ARID2: variants seen among roughly 807,000 people sequenced by gnomAD.
The protein encoded by ARID2 is AT-rich interaction domain 2, also known as AT-rich interactive domain-containing protein 2.
ARID2 carries 32 observed loss-of-function variants against 184.6 expected under a neutral mutation model. That is an observed-to-expected ratio of 0.17 (90% CI 0.13 to 0.23). The LOEUF (loss-of-function observed/expected upper bound fraction) is 0.23. ARID2 is among the 10% of genes least tolerant of loss of function. The pLI is 1.00. For missense variants in ARID2, 1,696 were observed against 2,197.6 expected, an observed-to-expected ratio of 0.77 and a Z score of 4.56; for synonymous variants, 836 against 772.6, an observed-to-expected ratio of 1.08 and a Z score of -1.36.
intron 3 of ARID2, among the ~76,000 whole-genome samples, chr12:45,802,984 C>A (rs929488906): frequency 6.6e-6 from 1 of 151,628 alleles, no homozygotes; most frequent in African/African-American, 2.4e-5. Flanking sequence ...TTCCCGCTAT[C>A]CTCTCCCCTC....
At chr12:45,840,573 C>T (rs1224639945) in intron 11 of ARID2, 3 of 152,140 alleles carry the variant, frequency 2.0e-5, no homozygotes, top group South Asian at 2.1e-4. Flanking sequence ...TATCCTCCCT[C>T]GCTAGCCCCA....
rs145182085 is a variant in ARID2, at chr12:45,759,804, C to A, written c.284+28490C>A. 2.6e-5 allele frequency among the ~76,000 whole-genome samples: 4 copies of A among 152,272 alleles called. No individual in the cohort carries two copies. In the East Asian group the frequency reaches 7.7e-4, roughly 29 times the overall value. On this transcript the variant is annotated intron_variant, in intron 3 of 20. Transcript: ENST00000334344. ...CTCAATCTCCTGTGCTCAAGTGATT[C>A]TCCCATCTCAGCCTAGTAGCTGGGA... is the stretch of plus-strand genomic sequence containing the variant.
intron 11 of ARID2, among the ~76,000 whole-genome samples, chr12:45,844,800 A>G (rs1307542622): frequency 2.0e-5 from 3 of 152,216 alleles, no homozygotes; most frequent in Non-Finnish European, 4.4e-5. Context: ...ACAGCTAGCT[A>G]GTGAGTGATG....
intron 16 of ARID2, among the ~76,000 whole-genome samples, chr12:45,888,097 T>A (rs1484003635): frequency 6.6e-6 from 1 of 150,456 alleles, no homozygotes; most frequent in East Asian, 2.0e-4. Flanking sequence ...CAGGAGGCTG[T>A]AGCAGGAGAA....
rs1255469436 is a variant in ARID2 at position 45,904,398 on chromosome 12, G to A, written c.5364-536G>A. The A allele has an allele frequency of 4.2e-6, 3 of 711,668 alleles. No individual in the cohort carries two copies. In the African/African-American group the frequency reaches 5.3e-5, roughly 13 times the overall value. The allele number at this position is 711,668 out of a possible 1,614,324, so 44.1% of individuals were successfully genotyped here. The stretch of plus-strand genomic sequence containing the variant: ...CTGTGCAGCCTTCCATATTTAGAAA[G>A]GTACTATGGAGAGGCTGGGCGCGGT... On this transcript the variant is annotated intron_variant, in intron 20 of 20. Coordinates refer to ENST00000334344, the MANE Select transcript of ARID2 (RefSeq NM_152641.4).
chr12:45,902,983 A>C (rs1205448321), intron 20 of ARID2, among the ~76,000 whole-genome samples: 3 of 152,302 alleles, frequency 2.0e-5, no homozygotes, highest in Admixed American at 2.0e-4. Flanking sequence ...AACCACTCAT[A>C]TAACTATCTG....
rs2138133077 is a variant in ARID2 at position 45,837,719 on chromosome 12, C to A, written c.1330+12C>A. On this transcript the variant is annotated intron_variant, in intron 10 of 20. Coordinates refer to ENST00000334344, the MANE Select transcript of ARID2 (RefSeq NM_152641.4). ...AGAAAAGAGCATAGGTAAGACTGGACCAAAAAACACTTATTTTCTTTATTG... is the reference window on the plus strand; with the variant it reads ...AGAAAAGAGCATAGGTAAGACTGGAACAAAAAACACTTATTTTCTTTATTG... The A allele has an allele frequency of 6.2e-7, 1 of 1,601,234 alleles. No individual in the cohort carries two copies. The highest frequency in any genetic ancestry group is 8.5e-7 in the Non-Finnish European group (1 of 1,171,056).
At chr12:45,834,437 A>G (rs1943177273) in intron 6 of ARID2, among the ~76,000 whole-genome samples, 1 of 152,174 alleles carries the variant, frequency 6.6e-6, no homozygotes, top group Admixed American at 6.5e-5. Context: ...TATTTAAAAA[A>G]TTCTATGTTG....
intron 3 of ARID2, among the ~76,000 whole-genome samples, chr12:45,753,322 C>T (rs911560853): frequency 3.5e-4 from 53 of 152,088 alleles, no homozygotes; most frequent in Non-Finnish European, 8.8e-5. Context: ...TGTTTCCCCC[C>T]TCATGATGGT....
chr12:45,730,483 C>G (rs1940966106), intron 2 of ARID2, among the ~76,000 whole-genome samples: 2 of 151,140 alleles, frequency 1.3e-5, no homozygotes, highest in African/African-American at 4.8e-5. Context: ...CCCGCGCCGC[C>G]CGCCCGCTCG....
At chr12:45,731,087 G>A (rs1940985343) in intron 2 of ARID2, 130 bp from the exon 3 acceptor site, 7 of 655,896 alleles carry the variant, frequency 1.1e-5, no homozygotes, top group South Asian at 1.1e-4. Flanking sequence ...AACTCTTACC[G>A]ATCGATCCGA....
At position 45,869,628 on chromosome 12, in the gene ARID2, A is replaced by G. The variant is rs557330561; in HGVS notation, c.4922+8679A>G. 9.2e-5 allele frequency among the ~76,000 whole-genome samples: 14 copies of G among 152,080 alleles called. No homozygotes were observed. In the South Asian group the frequency reaches 2.1e-3, roughly 23 times the overall value. ...CCAGGTGTCGTGGCTCATGCTTGTA[A>G]TTTCAGCACTTTGGGAGGCCGAGGC... is the stretch of plus-strand genomic sequence containing the variant. On this transcript the variant is annotated intron_variant, in intron 16 of 20. Transcript: ENST00000334344.
chr12:45,894,764 C>T (rs1944347726), intron 20 of ARID2, among the ~76,000 whole-genome samples: 1 of 151,960 alleles, frequency 6.6e-6, no homozygotes, highest in Admixed American at 6.6e-5. Flanking sequence ...GTTTAGTAAC[C>T]ATATGAGAAT....
At chr12:45,825,022 G>T (rs142628884) in intron 6 of ARID2, among the ~76,000 whole-genome samples, 63 of 152,034 alleles carry the variant, frequency 4.1e-4, no homozygotes, top group African/African-American at 1.5e-3. Context: ...GTTCTCACTC[G>T]TATGTGGGAG....
chr12:45,899,286 A>AT (rs1565644414), intron 20 of ARID2, among the ~76,000 whole-genome samples: 1 of 146,908 alleles, frequency 6.8e-6, no homozygotes, highest in African/African-American at 2.5e-5. Context: ...AAAAAAAAAA[A>AT]AAAAAAAAAA....
chr12:45,902,934 A>G, intron 20 of ARID2, among the ~76,000 whole-genome samples: 1 of 152,236 alleles, frequency 6.6e-6, no homozygotes. Flanking sequence ...AAGATTTTAT[A>G]AAACAGAAGT....
intron 11 of ARID2, 155 bp downstream of exon 11, chr12:45,839,651 A>C (rs1943301728): frequency 1.3e-6 from 1 of 779,126 alleles, no homozygotes; most frequent in Non-Finnish European, 1.9e-6. Context: ...CTTAGATATT[A>C]TACATTCCAG....
rs1941548081 is a variant in ARID2 at position 45,755,375 on chromosome 12, T to G, written c.284+24061T>G. Among the ~76,000 whole-genome samples the G allele has an allele frequency of 2.6e-5, 4 of 152,288 alleles. No homozygotes were observed. The South Asian group carries it at 8.3e-4, about 32-fold the overall frequency. On this transcript the variant is annotated intron_variant, in intron 3 of 20. Transcript: ENST00000334344. ...TGGCAAACACACCTGCCCAGCTTGG[T>G]CAGAGAATGAGATTATTTTTATAGA...
intron 3 of ARID2, among the ~76,000 whole-genome samples, chr12:45,794,185 C>G (rs1942345794): frequency 6.6e-6 from 1 of 152,220 alleles, no homozygotes; most frequent in Non-Finnish European, 1.5e-5. Flanking sequence ...TGCCTTTTCT[C>G]TCTTAACTAA....
Sources: gnomAD v4.1 joint callset for allele counts (sites outside exome capture counted in the v4.1 genomes callset) on GRCh38, gnomAD v4.1.1 for gene constraint, MANE v1.5 for transcripts, NCBI Gene and HGNC (gene_info 2026-07-23, HGNC 2026-07-21) for gene names.